The following MYBPC1 variants were observed in gnomAD, a reference collection of about 807,000 sequenced individuals.
The protein encoded by MYBPC1 is myosin-binding protein C, slow-type.
In MYBPC1, 52 loss-of-function variants were observed where a neutral mutation model predicts 147.1. That is an observed-to-expected ratio of 0.35 (90% CI 0.28 to 0.45). MYBPC1 has a LOEUF of 0.45. Among genes scored for constraint, MYBPC1 ranks in the 20% least tolerant of loss-of-function variants. The pLI is 1.00. For synonymous variants in MYBPC1, 477 were observed against 475.9 expected, an observed-to-expected ratio of 1.00 and a Z score of -0.03; for missense variants, 1,228 against 1,440.3, an observed-to-expected ratio of 0.85 and a Z score of 2.39.
intron 1 of MYBPC1, among the ~76,000 whole-genome samples, chr12:101,605,737 G>A (rs1413059186): frequency 4.6e-5 from 7 of 151,856 alleles, no homozygotes; most frequent in Non-Finnish European, 8.8e-5. Context: ...TGGTGGACCC[G>A]TGTAATTCCA....
chr12:101,647,303 G>C (rs887700267), intron 13 of MYBPC1, among the ~76,000 whole-genome samples: 1 of 152,130 alleles, frequency 6.6e-6, no homozygotes. Flanking sequence ...ATACAGCCAT[G>C]TCTTCCTTAT....
Position 101,624,009 on chromosome 12 carries a change from A to G in MYBPC1, c.104-2863A>G, listed in dbSNP as rs115929582. Among the ~76,000 whole-genome samples, 1,222 of 152,350 alleles carry G rather than the reference A, an allele frequency of 8.0e-3. 13 individuals carry two copies. The highest frequency in any genetic ancestry group is 0.028 in the African/African-American group (1,173 of 41,590). ...AAGTTTGGGAGGTGCTAACGACCATATCATTTCTTGTCACCCCCACTTCCA... is the reference window on the plus strand; with the variant it reads ...AAGTTTGGGAGGTGCTAACGACCATGTCATTTCTTGTCACCCCCACTTCCA... On this transcript the variant is annotated intron_variant, in intron 3 of 31. Coordinates refer to ENST00000361466, the MANE Select transcript of MYBPC1 (RefSeq NM_002465.4).
At position 101,614,438 on chromosome 12, in the gene MYBPC1, AG is replaced by A. The variant is rs111379309; in HGVS notation, c.26-57del. The A allele has an allele frequency of 0.018, 28,409 of 1,601,492 alleles. 1,305 individuals carry two copies. Among genetic ancestry groups the A allele is most frequent in the African/African-American group, 0.17 (12,933 of 74,716 alleles). On this transcript the variant is annotated intron_variant, in intron 1 of 31. Coordinates refer to ENST00000361466, the MANE Select transcript of MYBPC1 (RefSeq NM_002465.4). ...GCAGAAGCTGCCTGGGGCTGTAGAAAGCAGTTCTTCTCTGTGATAAATGAGC... is the reference window on the plus strand; with the variant it reads ...GCAGAAGCTGCCTGGGGCTGTAGAAACAGTTCTTCTCTGTGATAAATGAGC...
At chr12:101,650,202 CAT>C (rs57366663) in intron 15 of MYBPC1, among the ~76,000 whole-genome samples, 1,697 of 152,286 alleles carry the variant, frequency 0.011, 19 homozygotes, top group African/African-American at 0.038. Context: ...TATGATGTAA[CAT>C]GTGCATTTCT....
At chr12:101,687,474 T>C (rs892159227), downstream of MYBPC1, among the ~76,000 whole-genome samples, 4 of 152,214 alleles carry the variant, frequency 2.6e-5, no homozygotes, top group African/African-American at 9.6e-5. Flanking sequence ...AGTCTATCAT[T>C]GTTGGGCGTT....
chr12:101,676,148 A>T lies in MYBPC1; in HGVS notation c.2949+717A>T, dbSNP rs189847668. On this transcript the variant is annotated intron_variant, in intron 26 of 31. Coordinates refer to ENST00000361466, the MANE Select transcript of MYBPC1 (RefSeq NM_002465.4). ...TAGTCTATTTTATGTGTGGCCCAAG[A>T]CAATTCTTTTTCCAGGGAAGCCAAA... Among the ~76,000 whole-genome samples the T allele has an allele frequency of 2.1e-3, 324 of 152,278 alleles. 1 individual carries two copies. Among genetic ancestry groups the T allele is most frequent in the Non-Finnish European group, 3.4e-3 (228 of 68,028 alleles).
chr12:101,642,723 C>A, intron 11 of MYBPC1, 138 bp downstream of exon 11: 1 of 871,978 alleles, frequency 1.1e-6, no homozygotes, highest in Non-Finnish European at 1.8e-6. Flanking sequence ...AGGGGTTACG[C>A]TTGTCTAGAC....
intron 1 of MYBPC1, among the ~76,000 whole-genome samples, chr12:101,595,780 C>T (rs1054023898): frequency 2.6e-5 from 4 of 152,090 alleles, no homozygotes; most frequent in Admixed American, 2.0e-4. Context: ...AATAGTTAAG[C>T]TGAAAGTATA....
At chr12:101,627,969 A>G in intron 5 of MYBPC1, 165 bp downstream of exon 5, 1 of 811,498 alleles carries the variant, frequency 1.2e-6, no homozygotes. Flanking sequence ...ATGTATTGAG[A>G]AACAATTAAT....
In MYBPC1 at chr12:101,653,224, A is replaced by C; in HGVS notation, c.1743A>C (p.Lys581Asn). The change falls in exon 18 of 32, where the codon AAA becomes AAC. Residue 581 changes from lysine (K) to asparagine (N), a missense_variant. Transcript: ENST00000361466. ...CCATCAGCGGAGAACCACCTCCTAA[A>C]GCCATGTGGAGCCGGGGAGATAAGG... Reference protein sequence around the residue: ...EIPISGEPPPKAMWSRGDKAI... With the variant: ...EIPISGEPPPNAMWSRGDKAI... 1 of 1,614,114 alleles carries C rather than the reference A, an allele frequency of 6.2e-7. No individual in the cohort carries two copies. Among genetic ancestry groups the C allele is most frequent in the Non-Finnish European group, 8.5e-7 (1 of 1,180,030 alleles).
chr12:101,603,720 T>C (rs1881062355), intron 1 of MYBPC1, among the ~76,000 whole-genome samples: 1 of 152,178 alleles, frequency 6.6e-6, no homozygotes, highest in African/African-American at 2.4e-5. Flanking sequence ...GGCCAGAGAA[T>C]TGCTTAAGCC....
At chr12:101,606,405 T>A (rs2135666778) in intron 1 of MYBPC1, among the ~76,000 whole-genome samples, 1 of 152,136 alleles carries the variant, frequency 6.6e-6, no homozygotes, top group East Asian at 1.9e-4. Context: ...ACTCCCTACC[T>A]AGGCAGCTCC....
rs750754087 is a variant in MYBPC1 at position 101,617,190 on chromosome 12, C to A, written c.62-12C>A. The A allele has an allele frequency of 6.2e-7, 1 of 1,613,628 alleles. No individual in the cohort carries two copies. The highest frequency in any genetic ancestry group is 8.5e-7 in the Non-Finnish European group (1 of 1,179,776). On this transcript the variant is annotated splice_polypyrimidine_tract_variant and intron_variant, in intron 2 of 31. Transcript: ENST00000361466. ...AGGCACTTTAAAAAATATGCTTGTA[C>A]TTTCTACACAGAACCAAGTAAAGAG...
At chr12:101,626,265 A>G (rs941838025) in intron 3 of MYBPC1, among the ~76,000 whole-genome samples, 2 of 152,154 alleles carry the variant, frequency 1.3e-5, no homozygotes, top group African/African-American at 4.8e-5. Context: ...ACTAAAAGAC[A>G]TATTTTGAAT....
Position 101,673,611 on chromosome 12 carries a change from T to C in MYBPC1, c.2798T>C (p.Ile933Thr). The C allele has an allele frequency of 6.2e-7, 1 of 1,614,164 alleles. No homozygotes were observed. The highest frequency in any genetic ancestry group is 1.1e-5 in the South Asian group (1 of 91,088). Residue 933 changes from isoleucine to threonine, a missense_variant, in exon 25 of 32, where the codon ATC becomes ACC. Transcript: ENST00000361466. ...DKFVETASIDIQIIDRPGPPQ... is the reference protein window; with the variant it reads ...DKFVETASIDTQIIDRPGPPQ... ...TTCGTGGAGACCGCATCAATTGACA[T>C]CCAGATCATTGGTAGGTTTAGATGA... is the stretch of plus-strand genomic sequence containing the variant.
intron 28 of MYBPC1, among the ~76,000 whole-genome samples, chr12:101,679,609 C>T (rs1441137501): frequency 6.6e-6 from 1 of 152,168 alleles, no homozygotes; most frequent in Admixed American, 6.5e-5. Context: ...ATGAAGTCAT[C>T]TTCCTGGGCA....
intron 24 of MYBPC1, among the ~76,000 whole-genome samples, chr12:101,672,342 T>A (rs1299548770): frequency 2.0e-5 from 3 of 152,156 alleles, no homozygotes; most frequent in African/African-American, 7.2e-5. Flanking sequence ...GAATTCATGC[T>A]TGGTTCCTGT....
chr12:101,642,459 T>C lies in MYBPC1; in HGVS notation c.706T>C (p.Trp236Arg), dbSNP rs387906657. 1 of 1,614,018 alleles carries C rather than the reference T, an allele frequency of 6.2e-7. No individual in the cohort carries two copies. Among genetic ancestry groups the C allele is most frequent in the Non-Finnish European group, 8.5e-7 (1 of 1,180,052 alleles). ...GGAGGAAGAACCCCAGGTGGACGTA[T>C]GGGAGTTGCTGAAGAACGCGAAACC... is the stretch of plus-strand genomic sequence containing the variant. ...QQEEEPQVDV[W>R]ELLKNAKPSE... is the part of the protein sequence containing the mutation. Residue 236 changes from tryptophan (W) to arginine (R), a missense_variant, in exon 11 of 32, where the codon TGG becomes CGG. Coordinates refer to ENST00000361466, the MANE Select transcript of MYBPC1 (RefSeq NM_002465.4).
At chr12:101,638,073 C>T (rs896690707) in intron 10 of MYBPC1, among the ~76,000 whole-genome samples, 1 of 152,272 alleles carries the variant, frequency 6.6e-6, no homozygotes. Context: ...AGGACCCAAA[C>T]CCAAGTTTCC....
Sources: allele counts gnomAD v4.1 joint callset (sites outside exome capture counted in the v4.1 genomes callset), GRCh38; gene constraint gnomAD v4.1.1; transcripts MANE v1.5; gene names NCBI Gene and HGNC (gene_info 2026-07-23, HGNC 2026-07-21).